The following RALGPS1 variants were observed in gnomAD, a reference collection of about 807,000 sequenced individuals.
The protein encoded by RALGPS1 is Ral GEF with PH domain and SH3 binding motif 1.
Under a neutral mutation model 78.8 loss-of-function variants are expected in RALGPS1, and 19 were observed. The observed-to-expected ratio is 0.24, with a 90% CI of 0.17 to 0.35. RALGPS1 has a LOEUF of 0.35. Ranked by LOEUF, RALGPS1 falls within the 10% of genes least tolerant of loss-of-function variation. The pLI is 1.00. For missense variants in RALGPS1, 454 were observed against 688.3 expected, an observed-to-expected ratio of 0.66 and a Z score of 3.81; for synonymous variants, 228 against 256.3, an observed-to-expected ratio of 0.89 and a Z score of 1.06.
intron 1 of RALGPS1, among the ~76,000 whole-genome samples, chr9:126,925,010 C>G (rs1447534647): frequency 6.6e-6 from 1 of 151,992 alleles, no homozygotes; most frequent in East Asian, 1.9e-4. Flanking sequence ...GCCTGTAATC[C>G]CAGCTACTGA....
At chr9:126,942,248 T>A (rs1428755900) in intron 1 of RALGPS1, among the ~76,000 whole-genome samples, 1 of 152,154 alleles carries the variant, frequency 6.6e-6, no homozygotes, top group Non-Finnish European at 1.5e-5. Flanking sequence ...TGTAGCTAAA[T>A]CTACCAGTAG....
intron 4 of RALGPS1, 95 bp downstream of exon 4, chr9:126,977,840 C>T: frequency 4.6e-6 from 4 of 861,300 alleles, no homozygotes; most frequent in East Asian, 5.3e-5. Flanking sequence ...TTCTCTCTTG[C>T]AGGCTCTATA....
chr9:127,201,208 G>C (rs2061613204), intron 14 of RALGPS1, among the ~76,000 whole-genome samples: 1 of 152,214 alleles, frequency 6.6e-6, no homozygotes, highest in African/African-American at 2.4e-5. Flanking sequence ...GTGATTTTGG[G>C]ATCTCTTCCA....
At chr9:127,216,738 G>C (rs968767103) in intron 18 of RALGPS1, among the ~76,000 whole-genome samples, 1 of 152,212 alleles carries the variant, frequency 6.6e-6, no homozygotes, top group Non-Finnish European at 1.5e-5. Context: ...TTGAGACAAG[G>C]TGCCAAGACC....
chr9:127,161,445 G>A (rs2059011922), intron 8 of RALGPS1, among the ~76,000 whole-genome samples: 1 of 152,230 alleles, frequency 6.6e-6, no homozygotes. Flanking sequence ...GAGTGGGAGA[G>A]CCTGGGTTCC....
At chr9:127,135,824 G>A (rs1357274895) in intron 8 of RALGPS1, among the ~76,000 whole-genome samples, 1 of 152,230 alleles carries the variant, frequency 6.6e-6, no homozygotes, top group Non-Finnish European at 1.5e-5. Context: ...TGGGGAAGGG[G>A]CATGCAAGGA....
At chr9:127,134,552 A>G (rs910726828) in intron 8 of RALGPS1, among the ~76,000 whole-genome samples, 9 of 152,212 alleles carry the variant, frequency 5.9e-5, no homozygotes, top group Non-Finnish European at 1.3e-4. Context: ...CCTGTCCATC[A>G]TGCCTCACCA....
At chr9:126,953,393 G>A (rs570431382) in intron 1 of RALGPS1, among the ~76,000 whole-genome samples, 15 of 152,126 alleles carry the variant, frequency 9.9e-5, no homozygotes, top group South Asian at 4.2e-4. Context: ...GTGTGTGTGC[G>A]CGTGTGTGTA....
At chr9:127,161,473 G>A (rs2059014855) in intron 8 of RALGPS1, among the ~76,000 whole-genome samples, 2 of 152,184 alleles carry the variant, frequency 1.3e-5, no homozygotes, top group African/African-American at 4.8e-5. Flanking sequence ...CTGGATCCGG[G>A]CCCCACGTTC....
At chr9:126,982,133 C>G (rs1056458585) in intron 4 of RALGPS1, among the ~76,000 whole-genome samples, 4 of 152,190 alleles carry the variant, frequency 2.6e-5, no homozygotes, top group African/African-American at 9.7e-5. Context: ...TGTGACCTGG[C>G]TCAGAAGTCA....
chr9:127,198,265 C>A (rs1564776413), intron 13 of RALGPS1, among the ~76,000 whole-genome samples: 3 of 152,216 alleles, frequency 2.0e-5, no homozygotes, highest in African/African-American at 7.2e-5. Context: ...GCCAAGGGGC[C>A]TGGGATCTCC....
At chr9:127,046,983 A>T (rs1259809983) in intron 5 of RALGPS1, among the ~76,000 whole-genome samples, 6 of 128,622 alleles carry the variant, frequency 4.7e-5, no homozygotes, top group Non-Finnish European at 8.7e-5. Context: ...TTTCCATCGA[A>T]TTAGTTAAAA....
chr9:127,110,445 T>G (rs10819267), intron 8 of RALGPS1, among the ~76,000 whole-genome samples: 26,729 of 152,122 alleles, frequency 0.18, 3,138 homozygotes, highest in East Asian at 0.45. Context: ...CAAAACTCAG[T>G]CCTCAGAATT....
chr9:127,039,835 A>G (rs2047141680), intron 5 of RALGPS1, among the ~76,000 whole-genome samples: 1 of 152,146 alleles, frequency 6.6e-6, no homozygotes, highest in African/African-American at 2.4e-5. Context: ...GAAAGCTTGA[A>G]AAAAGCTGCT....
intron 6 of RALGPS1, among the ~76,000 whole-genome samples, chr9:127,051,951 G>A (rs1411372770): frequency 1.3e-5 from 2 of 152,200 alleles, no homozygotes; most frequent in South Asian, 4.1e-4. Flanking sequence ...ACAGGGGTGG[G>A]CAAAGACAAG....
At chr9:127,129,748 C>A (rs1260804536) in intron 8 of RALGPS1, among the ~76,000 whole-genome samples, 1 of 152,220 alleles carries the variant, frequency 6.6e-6, no homozygotes, top group Non-Finnish European at 1.5e-5. Flanking sequence ...GTAAAGGCAG[C>A]CAGTGCAGGA....
At chr9:126,941,597 GT>G (rs2036796479) in intron 1 of RALGPS1, among the ~76,000 whole-genome samples, 1 of 152,154 alleles carries the variant, frequency 6.6e-6, no homozygotes, top group Non-Finnish European at 1.5e-5. Flanking sequence ...CTTAGTGTCT[GT>G]TTCCCCCACT....
At chr9:126,935,296 G>A (rs958833287) in intron 1 of RALGPS1, among the ~76,000 whole-genome samples, 60 of 152,140 alleles carry the variant, frequency 3.9e-4, no homozygotes, top group African/African-American at 1.4e-3. Context: ...CTCAATAAAC[G>A]TTACAAGACT....
chr9:127,002,899 A>G (rs1046681300), intron 4 of RALGPS1, among the ~76,000 whole-genome samples: 3 of 152,068 alleles, frequency 2.0e-5, no homozygotes, highest in African/African-American at 4.8e-5. Flanking sequence ...TAATGCTGCA[A>G]TAAACATACG....
Sources: allele counts gnomAD v4.1 joint callset (sites outside exome capture counted in the v4.1 genomes callset), GRCh38; gene constraint gnomAD v4.1.1; transcripts MANE v1.5; gene names NCBI Gene and HGNC (gene_info 2026-07-23, HGNC 2026-07-21).